MGLL: variants seen among roughly 807,000 people sequenced by gnomAD.
MGLL encodes the protein lysophospholipase homolog.
A neutral mutation model predicts 29.1 loss-of-function variants in MGLL; 7 were observed. The observed-to-expected ratio is 0.24, with a 90% CI of 0.14 to 0.45. The LOEUF (loss-of-function observed/expected upper bound fraction) is 0.45, where lower values mean the gene tolerates loss of function less well. Ranked by LOEUF, MGLL falls within the 20% of genes least tolerant of loss-of-function variation. The pLI, the probability that MGLL is intolerant of heterozygous loss-of-function variation, is 0.99. For missense variants in MGLL, 356 were observed against 413.6 expected, an observed-to-expected ratio of 0.86 and a Z score of 1.21; for synonymous variants, 148 against 168.3, an observed-to-expected ratio of 0.88 and a Z score of 0.93.
intron 3 of MGLL, among the ~76,000 whole-genome samples, chr3:127,773,056 C>A (rs193092147): frequency 6.6e-6 from 1 of 152,212 alleles, no homozygotes; most frequent in Admixed American, 6.5e-5. Flanking sequence ...GAGGCACTCT[C>A]GGCAGATCTG....
chr3:127,798,237 C>T lies in MGLL; in HGVS notation c.156-16342G>A, dbSNP rs369055422. On this transcript the variant is annotated intron_variant, in intron 2 of 7. Transcript: ENST00000265052. ...TGATAATCACTCTTTTGCTTTTCTT[C>T]GTATCTATGTATGCAGGAAAGCAGG... Among the ~76,000 whole-genome samples, 59 of 152,284 alleles carry T rather than the reference C, an allele frequency of 3.9e-4. 1 individual carries two copies. The South Asian group carries it at 8.1e-3, about 21-fold the overall frequency.
At chr3:127,704,258 C>G (rs570592536) in intron 6 of MGLL, among the ~76,000 whole-genome samples, 35 of 152,214 alleles carry the variant, frequency 2.3e-4, no homozygotes, top group Non-Finnish European at 5.0e-4. Context: ...AATGTAAAAC[C>G]CAAAACTATA....
intron 6 of MGLL, among the ~76,000 whole-genome samples, chr3:127,702,271 G>A (rs971864409): frequency 2.0e-5 from 3 of 152,236 alleles, no homozygotes; most frequent in African/African-American, 7.2e-5. Flanking sequence ...TAGCCTGGCT[G>A]GAGTGGGAAC....
chr3:127,784,547 C>T (rs1011869460), intron 2 of MGLL, among the ~76,000 whole-genome samples: 33 of 152,162 alleles, frequency 2.2e-4, no homozygotes, highest in African/African-American at 8.0e-4. Context: ...CGTCCCACTG[C>T]AGGCGGTGGG....
At chr3:127,739,850 T>G (rs1405899322) in intron 3 of MGLL, among the ~76,000 whole-genome samples, 1 of 152,192 alleles carries the variant, frequency 6.6e-6, no homozygotes, top group African/African-American at 2.4e-5. Context: ...CAAGTGTGCA[T>G]GCAGCCAGCC....
chr3:127,795,102 T>C (rs1418825551), intron 2 of MGLL, among the ~76,000 whole-genome samples: 1 of 152,198 alleles, frequency 6.6e-6, no homozygotes, highest in Non-Finnish European at 1.5e-5. Flanking sequence ...ATATTCATGA[T>C]AGCAAAGACA....
chr3:127,786,709 G>A (rs1013879915), intron 2 of MGLL, among the ~76,000 whole-genome samples: 5 of 152,236 alleles, frequency 3.3e-5, no homozygotes, highest in Non-Finnish European at 7.3e-5. Context: ...ACCTCTCTGG[G>A]CCTCAGTTCG....
At chr3:127,793,621 G>A (rs2077336352) in intron 2 of MGLL, among the ~76,000 whole-genome samples, 1 of 152,178 alleles carries the variant, frequency 6.6e-6, no homozygotes, top group Non-Finnish European at 1.5e-5. Context: ...GAGTGTGATG[G>A]TGCAATCTCG....
At chr3:127,785,033 A>T (rs1050017539) in intron 2 of MGLL, among the ~76,000 whole-genome samples, 2 of 152,138 alleles carry the variant, frequency 1.3e-5, no homozygotes, top group African/African-American at 4.8e-5. Flanking sequence ...AATGTTTAAC[A>T]ACTGGGGGTG....
chr3:127,782,613 T>G (rs994151919), intron 2 of MGLL, among the ~76,000 whole-genome samples: 3 of 152,184 alleles, frequency 2.0e-5, no homozygotes, highest in African/African-American at 4.8e-5. Context: ...GTGGCAGCAT[T>G]TAGATTCCAA....
At chr3:127,740,808 C>T (rs1294691948) in intron 3 of MGLL, among the ~76,000 whole-genome samples, 2 of 152,218 alleles carry the variant, frequency 1.3e-5, no homozygotes, top group African/African-American at 4.8e-5. Context: ...AGTGTGGGGA[C>T]CTCCCAGGGC....
intron 3 of MGLL, among the ~76,000 whole-genome samples, chr3:127,749,919 G>A (rs771223880): frequency 4.6e-5 from 7 of 152,162 alleles, no homozygotes; most frequent in Admixed American, 2.0e-4. Flanking sequence ...CTAGCAAAGG[G>A]GACAGCAAGT....
intron 3 of MGLL, among the ~76,000 whole-genome samples, chr3:127,726,361 TGAAA>T (rs938913978): frequency 1.1e-4 from 17 of 150,428 alleles, no homozygotes; most frequent in Admixed American, 8.6e-4. Context: ...AGGAAAAGAA[TGAAA>T]GAAAGAAAAG....
intron 3 of MGLL, among the ~76,000 whole-genome samples, chr3:127,744,031 A>G (rs1165192090): frequency 6.6e-6 from 1 of 152,194 alleles, no homozygotes; most frequent in African/African-American, 2.4e-5. Context: ...AAAGGCAGAA[A>G]TTAATTTCTT....
At position 127,752,319 on chromosome 3, in the gene MGLL, G is replaced by A. The variant is rs1408842828; in HGVS notation, c.262+29470C>T. Among the ~76,000 whole-genome samples the A allele has an allele frequency of 4.6e-5, 7 of 152,110 alleles. No individual in the cohort carries two copies. The East Asian group carries it at 7.7e-4, about 17-fold the overall frequency. On this transcript the variant is annotated intron_variant, in intron 3 of 7. Coordinates refer to ENST00000265052, the MANE Select transcript of MGLL (RefSeq NM_007283.7). Reference sequence around the variant, plus strand: ...TCACCATGTTGGCCAGGCTGGCCTCGAACTCCTGACCTCAAGTGATCCACC... The same window carrying A: ...TCACCATGTTGGCCAGGCTGGCCTCAAACTCCTGACCTCAAGTGATCCACC...
intron 4 of MGLL, among the ~76,000 whole-genome samples, chr3:127,721,615 A>G (rs1254536820): frequency 6.7e-6 from 1 of 148,840 alleles, no homozygotes; most frequent in Non-Finnish European, 1.5e-5. Flanking sequence ...TTTAAATTCC[A>G]AGAAAAATGG....
Position 127,821,752 on chromosome 3 carries a change from C to A in MGLL, c.97G>T (p.Val33Phe). The A allele has an allele frequency of 6.2e-7, 1 of 1,614,146 alleles. No individual in the cohort carries two copies. The change falls in exon 2 of 8, where the codon GTC (valine) becomes TTC (phenylalanine). Residue 33 changes from valine to phenylalanine, a missense_variant. Transcript: ENST00000265052. ...SIPYQDLPHLVNADGQYLFCR... is the reference protein window; with the variant it reads ...SIPYQDLPHLFNADGQYLFCR... ...AAGAGGTACTGTCCGTCTGCATTGA[C>A]CAGGTGAGGGAGGTCCTGGTAGGGA... is the stretch of plus-strand genomic sequence containing the variant.
intron 3 of MGLL, among the ~76,000 whole-genome samples, chr3:127,759,488 T>G (rs1339446404): frequency 1.3e-5 from 2 of 152,180 alleles, no homozygotes; most frequent in Admixed American, 6.5e-5. Context: ...CTGAATCACG[T>G]GCTCAAGAGG....
rs146189711 is a variant in MGLL at position 127,759,848 on chromosome 3, A to C, written c.262+21941T>G. ...TGGTAAGAAAGCTTCCACTGAATAAAACCTTTAAGTGATTTTTCCAATCTG... is the reference window on the plus strand; with the variant it reads ...TGGTAAGAAAGCTTCCACTGAATAACACCTTTAAGTGATTTTTCCAATCTG... On this transcript the variant is annotated intron_variant, in intron 3 of 7. Coordinates refer to ENST00000265052, the MANE Select transcript of MGLL (RefSeq NM_007283.7). Among the ~76,000 whole-genome samples, 872 of 152,332 alleles carry C rather than the reference A, an allele frequency of 5.7e-3. 5 individuals are homozygous for C. The highest frequency in any genetic ancestry group is 0.02 in the African/African-American group (816 of 41,574).
Sources: gnomAD v4.1 joint callset for allele counts (sites outside exome capture counted in the v4.1 genomes callset) on GRCh38, gnomAD v4.1.1 for gene constraint, MANE v1.5 for transcripts, NCBI Gene and HGNC (gene_info 2026-07-23, HGNC 2026-07-21) for gene names.